PXDNL: variants seen among roughly 807,000 people sequenced by gnomAD.
PXDNL encodes probable oxidoreductase PXDNL.
Under a neutral mutation model 150.8 loss-of-function variants are expected in PXDNL, and 145 were observed. That is an observed-to-expected ratio of 0.96 (90% CI 0.84 to 1.10). The LOEUF is 1.10. PXDNL is among the 50% of genes least tolerant of loss of function. The pLI is 0.00. For missense variants in PXDNL, 2,087 were observed against 1,873.9 expected (o/e 1.11, Z -2.10); for synonymous variants, 757 against 725.7 (o/e 1.04, Z -0.69).
At chr8:51,448,256 G>T (rs998496000) in intron 11 of PXDNL, among the ~76,000 whole-genome samples, 1 of 152,192 alleles carries the variant, frequency 6.6e-6, no homozygotes. Context: ...GTGGGGCATA[G>T]GGGGTTAGAT....
At chr8:51,347,673 C>G (rs10110031) in intron 19 of PXDNL, among the ~76,000 whole-genome samples, 4,580 of 151,258 alleles carry the variant, frequency 0.03, 222 homozygotes, top group African/African-American at 0.1. Context: ...TTCTGGAGGC[C>G]GGGTGCAGTG....
chr8:51,803,629 T>G (rs950296539), intron 1 of PXDNL, among the ~76,000 whole-genome samples: 1 of 152,198 alleles, frequency 6.6e-6, no homozygotes, highest in Non-Finnish European at 1.5e-5. Flanking sequence ...ACCACAGTGT[T>G]GCACAGCTGC....
intron 1 of PXDNL, among the ~76,000 whole-genome samples, chr8:51,681,103 T>C (rs937611961): frequency 1.3e-5 from 2 of 152,042 alleles, no homozygotes; most frequent in African/African-American, 4.8e-5. Flanking sequence ...CTGGTGCACC[T>C]TTTTCAGTGG....
At chr8:51,705,848 C>CAT (rs1212737147) in intron 1 of PXDNL, among the ~76,000 whole-genome samples, 3 of 125,822 alleles carry the variant, frequency 2.4e-5, no homozygotes, top group Middle Eastern at 4.1e-3. Context: ...CGCGCGCGCG[C>CAT]GCGCGTGCAT....
chr8:51,693,060 T>C (rs1816034033), intron 1 of PXDNL, among the ~76,000 whole-genome samples: 1 of 152,236 alleles, frequency 6.6e-6, no homozygotes, highest in Non-Finnish European at 1.5e-5. Context: ...ATAATCTATG[T>C]CTTCAAAGAG....
At chr8:51,369,307 T>C (rs1414181585) in intron 19 of PXDNL, among the ~76,000 whole-genome samples, 1 of 152,188 alleles carries the variant, frequency 6.6e-6, no homozygotes, top group African/African-American at 2.4e-5. Flanking sequence ...AGCCACAGTC[T>C]AGAAACTAGT....
At chr8:51,440,574 A>G (rs1162905919) in intron 12 of PXDNL, among the ~76,000 whole-genome samples, 1 of 152,226 alleles carries the variant, frequency 6.6e-6, no homozygotes, top group Non-Finnish European at 1.5e-5. Context: ...ACAACACTCT[A>G]CATAGCTCAC....
At chr8:51,454,580 T>C (rs1173390064) in intron 9 of PXDNL, among the ~76,000 whole-genome samples, 2 of 152,140 alleles carry the variant, frequency 1.3e-5, no homozygotes, top group Non-Finnish European at 2.9e-5. Context: ...TTTCTGGGAA[T>C]CTCAAGCAAA....
chr8:51,380,149 A>G (rs1366354947), intron 17 of PXDNL, among the ~76,000 whole-genome samples: 2 of 152,152 alleles, frequency 1.3e-5, no homozygotes, highest in Non-Finnish European at 2.9e-5. Context: ...AATAACAAAA[A>G]AACTCATAAT....
intron 2 of PXDNL, among the ~76,000 whole-genome samples, chr8:51,615,196 A>C (rs2130723137): frequency 6.6e-6 from 1 of 152,256 alleles, no homozygotes; most frequent in South Asian, 2.1e-4. Context: ...GAGCTCACAA[A>C]CCTATTCCTT....
chr8:51,485,182 G>C (rs1340903739), intron 5 of PXDNL, among the ~76,000 whole-genome samples: 1 of 152,120 alleles, frequency 6.6e-6, no homozygotes, highest in Non-Finnish European at 1.5e-5. Context: ...GGAGTGAGCT[G>C]GGGCCAAACT....
chr8:51,345,397 T>G (rs1806118127), intron 20 of PXDNL, among the ~76,000 whole-genome samples: 1 of 152,190 alleles, frequency 6.6e-6, no homozygotes, highest in Non-Finnish European at 1.5e-5. Flanking sequence ...TCAAAAATAT[T>G]CCATCTTGGT....
chr8:51,801,022 A>T (rs560245672), intron 1 of PXDNL, among the ~76,000 whole-genome samples: 4 of 152,242 alleles, frequency 2.6e-5, no homozygotes, highest in Admixed American at 1.3e-4. Flanking sequence ...GGTTGGGCAG[A>T]ATAGAACCAT....
intron 1 of PXDNL, among the ~76,000 whole-genome samples, chr8:51,743,291 C>A (rs1433610505): frequency 6.6e-6 from 1 of 152,108 alleles, no homozygotes; most frequent in Admixed American, 6.5e-5. Context: ...GATCTCGGCT[C>A]ACTGTAACCT....
intron 4 of PXDNL, among the ~76,000 whole-genome samples, chr8:51,501,724 CCACACACT>C (rs1193441801): frequency 1.3e-5 from 2 of 152,114 alleles, no homozygotes; most frequent in East Asian, 3.9e-4. Flanking sequence ...ACACATACTC[CCACACACT>C]CACACACTGT....
intron 4 of PXDNL, among the ~76,000 whole-genome samples, chr8:51,528,382 T>G (rs984443853): frequency 9.9e-5 from 15 of 152,024 alleles, no homozygotes; most frequent in Non-Finnish European, 1.2e-4. Context: ...TTTAAATGTT[T>G]AAAATGTTTT....
chr8:51,512,859 G>A (rs1322441568), intron 4 of PXDNL, among the ~76,000 whole-genome samples: 1 of 152,110 alleles, frequency 6.6e-6, no homozygotes, highest in African/African-American at 2.4e-5. Flanking sequence ...ACTGACTTAA[G>A]ATGGTTACTT....
At position 51,475,080 on chromosome 8, in the gene PXDNL, GT is replaced by G. The variant is rs1311375943; in HGVS notation, c.585del (p.Leu195PhefsTer30). 6.2e-6 allele frequency: 10 copies of G among 1,613,780 alleles called. No individual in the cohort carries two copies. The East Asian group carries it at 2.2e-4, about 36-fold the overall frequency. ...DCDLMWLGEL[L>X]QGFAQHGHTQ... Reference sequence around the variant, plus strand: ...GTGTGGCCGTGTTGGGCAAAGCCTTGTAAAAGCTCCCCCAGCCACATCAGAT... The same window carrying G: ...GTGTGGCCGTGTTGGGCAAAGCCTTGAAAAGCTCCCCCAGCCACATCAGAT... On this transcript the variant is annotated frameshift_variant, in exon 7 of 23. Transcript: ENST00000356297. LOFTEE classifies it high-confidence loss of function.
intron 13 of PXDNL, among the ~76,000 whole-genome samples, chr8:51,425,087 CT>C: frequency 6.6e-6 from 1 of 152,328 alleles, no homozygotes; most frequent in Non-Finnish European, 1.5e-5. Flanking sequence ...TCTAAATTTT[CT>C]TTCAAAGTTG....
Sources: gnomAD v4.1 joint callset for allele counts (sites outside exome capture counted in the v4.1 genomes callset) on GRCh38, gnomAD v4.1.1 for gene constraint, MANE v1.5 for transcripts, NCBI Gene and HGNC (gene_info 2026-07-23, HGNC 2026-07-21) for gene names.